Variants in COL4A5 observed in about 807,000 individuals in gnomAD.
COL4A5 encodes the protein collagen type IV alpha 5 chain, also known as collagen alpha-5(IV) chain.
In COL4A5, 26 loss-of-function variants were observed where a neutral mutation model predicts 130.2. The observed-to-expected ratio is 0.20, with a 90% CI of 0.15 to 0.28. The LOEUF (loss-of-function observed/expected upper bound fraction) is 0.28. COL4A5 is among the 10% of genes least tolerant of loss of function. COL4A5 has a pLI of 1.00. For synonymous variants in COL4A5, 496 were observed against 439.6 expected (o/e 1.13, Z -1.60); for missense variants, 1,131 against 1,344.3 (o/e 0.84, Z 2.48).
intron 2 of COL4A5, among the ~76,000 whole-genome samples, chrX:108,550,468 C>T (rs1223215898): frequency 4.5e-5 from 5 of 111,770 alleles, no homozygotes; most frequent in Admixed American, 1.9e-4. Flanking sequence ...TAATCGATAA[C>T]AAAGAATGCA....
intron 29 of COL4A5, among the ~76,000 whole-genome samples, chrX:108,607,317 C>T (rs773414838): frequency 2.0e-5 from 2 of 100,338 alleles, no homozygotes; most frequent in African/African-American, 7.3e-5. Flanking sequence ...CAGTAAGCCA[C>T]TCCAGCCTGG....
At chrX:108,458,130 A>G (rs896217195) in intron 1 of COL4A5, among the ~76,000 whole-genome samples, 1 of 111,927 alleles carries the variant, frequency 8.9e-6, no homozygotes, top group Middle Eastern at 4.6e-3. Context: ...TGTCCCCTTT[A>G]TAAGAAATCT....
chrX:108,666,785 T>C (rs1459008820), intron 39 of COL4A5, among the ~76,000 whole-genome samples, 191 bp downstream of exon 39: 2 of 111,578 alleles, frequency 1.8e-5, no homozygotes, highest in African/African-American at 6.5e-5. Context: ...AAGTTGCCTC[T>C]TACAAAAAAC....
In COL4A5 at chrX:108,597,251, A is replaced by T. The variant is rs1217223143; in HGVS notation, c.1588-126A>T. 5.0e-6 allele frequency: 4 copies of T among 799,373 alleles called. No homozygotes were observed. In the African/African-American group the frequency reaches 8.3e-5, roughly 17 times the overall value. 65.9% of individuals were successfully genotyped at this position (799,373 alleles called of 1,213,427 possible). ...CACTTGATTCAGCCCTTTGTACATT[A>T]AATGTTATTGGATGGGTTGAAGGGG... On this transcript the variant is annotated intron_variant, in intron 23 of 52. Transcript: ENST00000328300.
intron 1 of COL4A5, among the ~76,000 whole-genome samples, chrX:108,511,901 T>C (rs990676656): frequency 9.0e-6 from 1 of 111,438 alleles, no homozygotes; most frequent in Non-Finnish European, 1.9e-5. Flanking sequence ...GGGGATGTGG[T>C]TGGAAGAAAA....
intron 1 of COL4A5, among the ~76,000 whole-genome samples, chrX:108,458,552 G>A (rs2064607111): frequency 9.0e-6 from 1 of 111,455 alleles, no homozygotes; most frequent in South Asian, 3.8e-4. Context: ...CAGTTACCTT[G>A]GCAATTTGTA....
chrX:108,653,766 T>C (rs904786245), intron 36 of COL4A5, among the ~76,000 whole-genome samples: 2 of 111,248 alleles, frequency 1.8e-5, no homozygotes, highest in African/African-American at 3.3e-5. Flanking sequence ...AATTTTTTCA[T>C]GAATAACAAA....
chrX:108,613,550 A>G (rs1603295273), intron 29 of COL4A5, among the ~76,000 whole-genome samples: 1 of 112,352 alleles, frequency 8.9e-6, no homozygotes, highest in African/African-American at 3.2e-5. Context: ...AGCAGAATAT[A>G]TAATGAACTC....
intron 36 of COL4A5, among the ~76,000 whole-genome samples, chrX:108,642,848 C>CAA (rs35804797): frequency 9.5e-4 from 33 of 34,611 alleles, no homozygotes; most frequent in South Asian, 1.6e-3. Context: ...TCCCCCTCTC[C>CAA]AAAAAAAAAA....
intron 1 of COL4A5, among the ~76,000 whole-genome samples, chrX:108,488,637 CTA>C (rs2064968303): frequency 8.9e-6 from 1 of 112,139 alleles, no homozygotes; most frequent in Non-Finnish European, 1.9e-5. Flanking sequence ...GTAAAAAATA[CTA>C]TGTTTTTAAT....
intron 36 of COL4A5, among the ~76,000 whole-genome samples, chrX:108,636,589 A>G (rs2067358230): frequency 9.0e-6 from 1 of 111,518 alleles, no homozygotes; most frequent in Non-Finnish European, 1.9e-5. Flanking sequence ...AAGAATTCTT[A>G]TAATTCAACG....
In COL4A5 at chrX:108,620,411, G is replaced by T; in HGVS notation, c.2662G>T (p.Ala888Ser). ...ACCAGGGCTTCCAGGAAAAGCAGGT[G>T]CCTCTGGATTTCCAGGTAATTTGTT... ...GSPGLPGKAG[A>S]SGFPGTKGEM... Residue 888 changes from alanine to serine, a missense_variant, in exon 31 of 53, where the codon GCC becomes TCC. Ala to Ser is a moderately conservative substitution (Grantham distance 99). Coordinates refer to ENST00000328300, the MANE Select transcript of COL4A5 (RefSeq NM_033380.3). The T allele has an allele frequency of 8.3e-7, 1 of 1,208,875 alleles. No homozygotes were observed. The highest frequency in any genetic ancestry group is 1.1e-6 in the Non-Finnish European group (1 of 893,673).
intron 21 of COL4A5, among the ~76,000 whole-genome samples, chrX:108,594,053 T>A (rs2066475655): frequency 8.9e-6 from 1 of 111,923 alleles, no homozygotes; most frequent in Non-Finnish European, 1.9e-5. Flanking sequence ...TCCATTTGCC[T>A]AGTCAACATT....
intron 22 of COL4A5, 53 bp from the exon 23 acceptor site, chrX:108,596,945 C>A (rs2066525763): frequency 8.9e-7 from 1 of 1,124,150 alleles, no homozygotes; most frequent in African/African-American, 1.8e-5. Context: ...AGTTCAAGCT[C>A]AAAGCTTACG....
At position 108,578,335 on chromosome X, in the gene COL4A5, C is replaced by T. The variant is rs1168010540; in HGVS notation, c.732C>T (p.Ile244=). The part of the protein sequence containing the change: ...LQGPPGPPGQ[I]SEQKRPIDVE... ...GCCCACCTGGGCCACCTGGGCAGAT[C>T]AGTGAACAGAAAAGACCAATTGATG... Residue 244 remains isoleucine (I), a synonymous_variant, in exon 13 of 53, where the codon ATC becomes ATT. Transcript: ENST00000328300. The T allele has an allele frequency of 1.2e-5, 14 of 1,210,679 alleles. No individual in the cohort carries two copies. The highest frequency in any genetic ancestry group is 1.6e-5 in the Non-Finnish European group (14 of 894,697).
chrX:108,591,148 C>T lies in COL4A5; in HGVS notation c.1256C>T (p.Pro419Leu). 1 of 1,209,753 alleles carries T rather than the reference C, an allele frequency of 8.3e-7. No homozygotes were observed. Among genetic ancestry groups the T allele is most frequent in the African/African-American group, 1.7e-5 (1 of 57,853 alleles). Reference sequence around the variant, plus strand: ...GAAGGACCACCTGGAATTTCCATTCCTGGACCTCCTGGACTTGACGGACAG... The same window carrying T: ...GAAGGACCACCTGGAATTTCCATTCTTGGACCTCCTGGACTTGACGGACAG... The part of the protein sequence containing the change: ...GDEGPPGISI[P>L]GPPGLDGQPG... The change falls in exon 20 of 53, where the codon CCT becomes CTT. Residue 419 changes from proline to leucine, a missense_variant. Physicochemically the swap from Pro to Leu is moderately conservative, Grantham distance 98 (BLOSUM62 -3). Transcript: ENST00000328300.
intron 50 of COL4A5, 112 bp downstream of exon 50, chrX:108,693,037 A>T: frequency 3.4e-6 from 3 of 874,482 alleles, no homozygotes; most frequent in Non-Finnish European, 5.0e-6. Context: ...GGTAGAACAG[A>T]GGTACCTCTT....
Position 108,440,228 on chromosome X carries a change from C to T in COL4A5, c.81+22C>T, listed in dbSNP as rs201616525. 4 of 1,080,137 alleles carry T rather than the reference C, an allele frequency of 3.7e-6. No individual in the cohort carries two copies. The Admixed American group carries it at 8.9e-5, about 24-fold the overall frequency. The allele number at this position is 1,080,137 out of a possible 1,213,427, so 89.0% of individuals were successfully genotyped here. On this transcript the variant is annotated intron_variant, in intron 1 of 52. Coordinates refer to ENST00000328300, the MANE Select transcript of COL4A5 (RefSeq NM_033380.3). ...TGCGGTAAGTCCTTCCTCCCCTCCC[C>T]CGCGCCCATCACCGCTCTTTCACGC...
At chrX:108,656,638 G>T (rs2067847488) in intron 37 of COL4A5, among the ~76,000 whole-genome samples, 1 of 111,617 alleles carries the variant, frequency 9.0e-6, no homozygotes, top group African/African-American at 3.2e-5. Context: ...GAAATATCCA[G>T]TTCTCCAATT....
Sources: gnomAD v4.1 joint callset for allele counts (sites outside exome capture counted in the v4.1 genomes callset) on GRCh38, gnomAD v4.1.1 for gene constraint, MANE v1.5 for transcripts, NCBI Gene and HGNC (gene_info 2026-07-23, HGNC 2026-07-21) for gene names.